The following PCDHA5 variants were observed in gnomAD, a reference collection of about 807,000 sequenced individuals.
The protein encoded by PCDHA5 is protocadherin alpha-5.
PCDHA5 carries 43 observed loss-of-function variants against 61.6 expected under a neutral mutation model. The ratio of observed to expected loss-of-function variants is 0.70; its 90% CI spans 0.55 to 0.90. PCDHA5 has a LOEUF of 0.90. Ranked by LOEUF, PCDHA5 falls within the 40% of genes least tolerant of loss-of-function variation. PCDHA5 has a pLI of 0.00. For synonymous variants in PCDHA5, 627 were observed against 543.9 expected, an observed-to-expected ratio of 1.15 and a Z score of -2.13; for missense variants, 1,298 against 1,222.7, an observed-to-expected ratio of 1.06 and a Z score of -0.92.
At chr5:140,842,786 C>A (rs1554139367) in intron 1 of PCDHA5, 1 of 1,594,526 alleles carries the variant, frequency 6.3e-7, no homozygotes, top group Admixed American at 1.7e-5. Flanking sequence ...GGAGAACGCG[C>A]TGGTGTCCTA....
chr5:140,855,635 T>G (rs1281474999), intron 1 of PCDHA5, among the ~76,000 whole-genome samples: 4 of 149,818 alleles, frequency 2.7e-5, no homozygotes, highest in African/African-American at 7.4e-5. Flanking sequence ...ATTCGGCTAT[T>G]GATAATCATG....
In PCDHA5 at chr5:140,882,320, C is replaced by T. The variant is rs374687530; in HGVS notation, c.2352+58193C>T. The T allele has an allele frequency of 2.8e-5, 45 of 1,614,182 alleles. No homozygotes were observed. The African/African-American group carries it at 5.6e-4, about 20-fold the overall frequency. On this transcript the variant is annotated intron_variant, in intron 1 of 3. Coordinates refer to ENST00000529859, the MANE Select transcript of PCDHA5 (RefSeq NM_018908.3). ...AAGACCGCGGCAACTACTGCTCTGG[C>T]TTCTGATCCTCGCAGCCTGGGAGAC... is the stretch of plus-strand genomic sequence containing the variant.
At chr5:140,914,670 C>T (rs554633450) in intron 1 of PCDHA5, among the ~76,000 whole-genome samples, 85 of 152,088 alleles carry the variant, frequency 5.6e-4, no homozygotes, top group African/African-American at 2.0e-3. Context: ...TCTTCTTTTT[C>T]ATGAAAATAA....
chr5:140,996,531 G>A (rs782175834), intron 3 of PCDHA5, among the ~76,000 whole-genome samples: 1 of 152,146 alleles, frequency 6.6e-6, no homozygotes, highest in African/African-American at 2.4e-5. Context: ...GGCCCTGTGT[G>A]TTTTGATATT....
At chr5:140,867,714 T>C (rs1345564202) in intron 1 of PCDHA5, 1 of 152,070 alleles carries the variant, frequency 6.6e-6, no homozygotes, top group Non-Finnish European at 1.5e-5. Flanking sequence ...CCTAAGGGTA[T>C]ATGAAAAGAC....
At chr5:140,903,347 A>C (rs1393300562) in intron 1 of PCDHA5, among the ~76,000 whole-genome samples, 2 of 152,228 alleles carry the variant, frequency 1.3e-5, no homozygotes, top group Non-Finnish European at 2.9e-5. Context: ...GCATTTTAAA[A>C]AACAAGTTTT....
intron 1 of PCDHA5, among the ~76,000 whole-genome samples, chr5:140,894,231 G>A (rs1265861426): frequency 1.3e-5 from 2 of 151,980 alleles, no homozygotes; most frequent in South Asian, 2.1e-4. Flanking sequence ...GATGTTGAAT[G>A]ACAATGTAAT....
chr5:140,821,857 G>C lies in PCDHA5; in HGVS notation c.82G>C (p.Gly28Arg). 1 of 1,614,186 alleles carries C rather than the reference G, an allele frequency of 6.2e-7. No individual in the cohort carries two copies. Residue 28 changes from glycine (G) to arginine (R), a missense_variant, in exon 1 of 4, where the codon GGC (glycine) becomes CGC (arginine). Physicochemically the swap from Gly to Arg is moderately radical, Grantham distance 125. Transcript: ENST00000529859. ...CCTTGCCTACTGGAAGGCAGGGAGCGGCCAGCTCCACTACTCGATCCCGGA... is the reference window on the plus strand; with the variant it reads ...CCTTGCCTACTGGAAGGCAGGGAGCCGCCAGCTCCACTACTCGATCCCGGA... ...LLLAYWKAGS[G>R]QLHYSIPEEA... is the part of the protein sequence containing the mutation.
At chr5:140,991,919 A>T (rs185947527) in intron 3 of PCDHA5, among the ~76,000 whole-genome samples, 96 of 152,274 alleles carry the variant, frequency 6.3e-4, no homozygotes, top group Admixed American at 1.2e-3. Flanking sequence ...GCCATGTAAC[A>T]TAACATATTC....
chr5:140,884,334 C>T (rs1405987385), intron 1 of PCDHA5: 1 of 1,613,746 alleles, frequency 6.2e-7, no homozygotes, highest in Non-Finnish European at 8.5e-7. Context: ...GCTGTGGGTC[C>T]AGAAGCGGCG....
At chr5:140,869,412 C>T (rs1164802929) in intron 1 of PCDHA5, 3 of 1,614,078 alleles carry the variant, frequency 1.9e-6, no homozygotes, top group Admixed American at 1.7e-5. Flanking sequence ...CGGAGTGCAG[C>T]ATCCACCTGG....
intron 1 of PCDHA5, chr5:140,855,778 TAA>T: frequency 2.5e-6 from 1 of 407,854 alleles, no homozygotes; most frequent in Non-Finnish European, 4.4e-6. Context: ...TAAAAATACG[TAA>T]AAAAAGAATT....
chr5:141,006,765 G>T (rs1299930915), intron 3 of PCDHA5, among the ~76,000 whole-genome samples: 3 of 152,174 alleles, frequency 2.0e-5, no homozygotes, highest in Non-Finnish European at 4.4e-5. Context: ...ATGAAGAATA[G>T]AATAGAGAAA....
At chr5:140,861,581 T>C (rs1243387936) in intron 1 of PCDHA5, 6 of 358,060 alleles carry the variant, frequency 1.7e-5, no homozygotes, top group East Asian at 7.9e-5. Flanking sequence ...AGGTTTTCCA[T>C]GTGGAGGTGA....
In PCDHA5 at chr5:140,884,236, G is replaced by A. The variant is rs368136155; in HGVS notation, c.2352+60109G>A. ...TGGTGCTGGTGAAGGACCACGGTGAGCCCGCGCTGACGGCCACGGCAACGG... is the reference window on the plus strand; with the variant it reads ...TGGTGCTGGTGAAGGACCACGGTGAACCCGCGCTGACGGCCACGGCAACGG... On this transcript the variant is annotated intron_variant, in intron 1 of 3. Transcript: ENST00000529859. 11 of 1,613,334 alleles carry A rather than the reference G, an allele frequency of 6.8e-6. No homozygotes were observed. The African/African-American group carries it at 1.2e-4, about 18-fold the overall frequency.
chr5:140,928,690 A>AT lies in PCDHA5; in HGVS notation c.2353-50258dup, dbSNP rs2085447249. On this transcript the variant is annotated intron_variant, in intron 1 of 3. Transcript: ENST00000529859. ...TTCTAATGCCTGGCTTTCCTACCAC[A>AT]TCTCCCGGGCGTCTGACTCTAGTCT... 6 of 1,614,180 alleles carry AT rather than the reference A, an allele frequency of 3.7e-6. No homozygotes were observed. The African/African-American group carries it at 4.0e-5, about 11-fold the overall frequency.
intron 1 of PCDHA5, chr5:140,835,998 G>T (rs2150249955): frequency 1.2e-6 from 2 of 1,613,382 alleles, no homozygotes; most frequent in Non-Finnish European, 1.7e-6. Flanking sequence ...GAGCGCGCGC[G>T]ATGCGGGCGT....
At chr5:140,870,590 G>A (rs1238282556) in intron 1 of PCDHA5, 3 of 1,613,446 alleles carry the variant, frequency 1.9e-6, no homozygotes, top group Non-Finnish European at 2.5e-6. Flanking sequence ...CTGGTGGAGC[G>A]GCGGTTGGGC....
At chr5:140,856,942 G>A (rs781940181) in intron 1 of PCDHA5, 5 of 1,593,170 alleles carry the variant, frequency 3.1e-6, no homozygotes, top group Admixed American at 3.4e-5. Context: ...ACGAAAGGAC[G>A]GGAGAAATAA....
Sources: gnomAD v4.1 joint callset for allele counts (sites outside exome capture counted in the v4.1 genomes callset) on GRCh38, gnomAD v4.1.1 for gene constraint, MANE v1.5 for transcripts, NCBI Gene and HGNC (gene_info 2026-07-23, HGNC 2026-07-21) for gene names.